SPANXN3: variants seen among roughly 807,000 people sequenced by gnomAD.
SPANXN3 encodes SPANX family member N3, also known as sperm protein associated with the nucleus on the X chromosome N3.
In SPANXN3, 1 loss-of-function variant was observed where a neutral mutation model predicts 1.9. That is an observed-to-expected ratio of 0.54 (90% confidence interval 0.19 to 2.54). The LOEUF is 2.54. Ranked by LOEUF, SPANXN3 falls within the 30% of genes most tolerant of loss-of-function variation. The pLI, the probability that SPANXN3 is intolerant of heterozygous loss-of-function variation, is 0.24. For missense variants in SPANXN3, 113 were observed against 96.2 expected (o/e 1.17, Z -0.73); for synonymous variants, 47 against 40.0 (o/e 1.17, Z -0.66).
At chrX:143,515,051 C>T (rs1258599995) in intron 1 of SPANXN3, among the ~76,000 whole-genome samples, 1 of 110,457 alleles carries the variant, frequency 9.1e-6, no homozygotes, top group African/African-American at 3.3e-5. Flanking sequence ...CACCCAACAT[C>T]TAATAAGACA....
At chrX:143,516,967 C>A (rs1371398965) in intron 1 of SPANXN3, among the ~76,000 whole-genome samples, 1 of 112,036 alleles carries the variant, frequency 8.9e-6, no homozygotes, top group Non-Finnish European at 1.9e-5. Context: ...GCCTAATCGT[C>A]GTAACACAAG....
intron 1 of SPANXN3, among the ~76,000 whole-genome samples, chrX:143,510,404 T>C (rs1303766043): frequency 9.0e-6 from 1 of 110,674 alleles, no homozygotes; most frequent in Non-Finnish European, 1.9e-5. Context: ...AGGTCCCTTC[T>C]CCCAGGTGGA....
At chrX:143,510,250 A>G (rs1482685419) in intron 1 of SPANXN3, 1 of 111,004 alleles carries the variant, frequency 9.0e-6, no homozygotes, top group Non-Finnish European at 1.9e-5. Flanking sequence ...TTCTCCAAAA[A>G]AATTCCAGTG....
intron 1 of SPANXN3, among the ~76,000 whole-genome samples, chrX:143,514,434 A>T (rs2124258700): frequency 8.9e-6 from 1 of 111,792 alleles, no homozygotes; most frequent in East Asian, 2.8e-4. Flanking sequence ...AATCTGAAAT[A>T]TATTACTAAG....
chrX:143,509,166 G>C lies in SPANXN3; in HGVS notation c.79-4C>G, dbSNP rs782182968. On this transcript the variant is annotated splice_polypyrimidine_tract_variant and splice_region_variant and intron_variant, in intron 1 of 1. Transcript: ENST00000370503. ...CTCTGTTTGGTACCTCTTGCATCTG[G>C]TAAGAAAATAGGGAGAGGCCAGAAA... The C allele has an allele frequency of 1.7e-6, 2 of 1,195,453 alleles. No homozygotes were observed. Among genetic ancestry groups the C allele is most frequent in the Non-Finnish European group, 2.3e-6 (2 of 884,924 alleles).
chrX:143,515,381 G>T (rs1929192528), intron 1 of SPANXN3, among the ~76,000 whole-genome samples: 1 of 111,182 alleles, frequency 9.0e-6, no homozygotes, highest in African/African-American at 3.3e-5. Flanking sequence ...TGCCAATCCA[G>T]AACACCTTAG....
chrX:143,514,148 G>A (rs1395344940), intron 1 of SPANXN3, among the ~76,000 whole-genome samples: 3 of 111,942 alleles, frequency 2.7e-5, no homozygotes, highest in East Asian at 2.8e-4. Flanking sequence ...TGCCATAACC[G>A]AGAGAAACCT....
intron 1 of SPANXN3, among the ~76,000 whole-genome samples, chrX:143,510,389 T>C (rs1339931759): frequency 4.5e-5 from 5 of 110,333 alleles, no homozygotes. Flanking sequence ...CTGTCCCAAC[T>C]CTCCAGGTCC....
chrX:143,515,486 C>T (rs1289533991), intron 1 of SPANXN3, among the ~76,000 whole-genome samples: 4 of 111,186 alleles, frequency 3.6e-5, no homozygotes, highest in African/African-American at 1.3e-4. Flanking sequence ...CTGAATAGTC[C>T]ATGCCAATTC....
intron 1 of SPANXN3, 30 bp downstream of exon 1, chrX:143,517,284 C>T (rs368037815): frequency 2.5e-5 from 30 of 1,199,782 alleles, no homozygotes; most frequent in Non-Finnish European, 3.4e-5. Context: ...CTTTCACCCT[C>T]ACCTTCCCTT....
intron 1 of SPANXN3, chrX:143,510,235 G>C (rs1418436823): frequency 2.7e-5 from 3 of 110,937 alleles, no homozygotes; most frequent in African/African-American, 9.8e-5. Flanking sequence ...TTCTATTTCT[G>C]CTTGTTCTCC....
At chrX:143,513,060 T>C (rs1332665377) in intron 1 of SPANXN3, among the ~76,000 whole-genome samples, 6 of 110,407 alleles carry the variant, frequency 5.4e-5, no homozygotes, top group Non-Finnish European at 1.1e-4. Context: ...AGGAGCTAAT[T>C]TGGGACATGC....
In SPANXN3 at chrX:143,517,258, CT is replaced by C. The variant is rs1162366617; in HGVS notation, c.78+55del. 2.6e-6 allele frequency: 3 copies of C among 1,173,067 alleles called. No individual in the cohort carries two copies. In the African/African-American group the frequency reaches 5.3e-5, roughly 21 times the overall value. On this transcript the variant is annotated intron_variant, in intron 1 of 1. Coordinates refer to ENST00000370503, the MANE Select transcript of SPANXN3 (RefSeq NM_001009609.4). ...CCTGTGTTGCTGTTTGAGCCACCCC[CT>C]CTCTGTGTGTCTTTCTTTCACCCTC...
chrX:143,510,051 T>A (rs1216933933), intron 1 of SPANXN3: 1 of 110,942 alleles, frequency 9.0e-6, no homozygotes, highest in Non-Finnish European at 1.9e-5. Context: ...TATTCTCTCA[T>A]CTTCTCCAGC....
chrX:143,508,888 G>A lies in SPANXN3; in HGVS notation c.353C>T (p.Ser118Phe), dbSNP rs1556411224. 3 of 1,211,556 alleles carry A rather than the reference G, an allele frequency of 2.5e-6. No individual in the cohort carries two copies. In the South Asian group the frequency reaches 5.3e-5, roughly 21 times the overall value. ...PSKEDKDLDS[S>F]EGSSQEDEDL... ...TTCATCCTCCTGTGAGGATCCTTCA[G>A]ATGAGTCTAGATCTTTGTCCTCCTT... Residue 118 changes from serine (S) to phenylalanine (F), a missense_variant, in exon 2 of 2, where the codon TCT becomes TTT. Ser to Phe is a radical substitution (Grantham distance 155, BLOSUM62 -2). Transcript: ENST00000370503.
At position 143,509,079 on chromosome X, in the gene SPANXN3, C is replaced by G. The variant is rs1264682337; in HGVS notation, c.162G>C (p.Val54=). The G allele has an allele frequency of 8.3e-7, 1 of 1,209,864 alleles. No individual in the cohort carries two copies. The highest frequency in any genetic ancestry group is 3.0e-5 in the East Asian group (1 of 33,754). ...TTTTCTTACCCTTCCTGAGGTAATA[C>G]ACAAATATTATTGGATATTCTGATG... The part of the protein sequence containing the change: ...TKTSEYPIIF[V]YYLRKGKKIN... The change falls in exon 2 of 2, where the codon GTG becomes GTC. Residue 54 remains valine, a synonymous_variant. Transcript: ENST00000370503.
intron 1 of SPANXN3, 75 bp downstream of exon 1, chrX:143,517,239 T>C: frequency 9.1e-7 from 1 of 1,098,237 alleles, no homozygotes; most frequent in Non-Finnish European, 1.3e-6. Context: ...TATTCCTGTG[T>C]TGCTGTTTGA....
At chrX:143,512,668 G>A (rs146016790) in intron 1 of SPANXN3, among the ~76,000 whole-genome samples, 67 of 111,273 alleles carry the variant, frequency 6.0e-4, no homozygotes, top group East Asian at 8.6e-4. Context: ...CCTTAAATCC[G>A]GCTTACAGAA....
chrX:143,512,970 A>G (rs1556411966), intron 1 of SPANXN3, among the ~76,000 whole-genome samples: 1 of 111,715 alleles, frequency 9.0e-6, no homozygotes, highest in East Asian at 2.8e-4. Flanking sequence ...AGCCCACAAT[A>G]TTTCAGGTAG....
Sources: gnomAD v4.1 joint callset for allele counts (sites outside exome capture counted in the v4.1 genomes callset) on GRCh38, gnomAD v4.1.1 for gene constraint, MANE v1.5 for transcripts, NCBI Gene and HGNC (gene_info 2026-07-23, HGNC 2026-07-21) for gene names.